The following RNF111 variants were observed in gnomAD, a reference collection of about 807,000 sequenced individuals.
The protein encoded by RNF111 is E3 ubiquitin-protein ligase Arkadia.
RNF111 carries 17 observed loss-of-function variants against 95.1 expected under a neutral mutation model. That is an observed-to-expected ratio of 0.18 (90% CI 0.12 to 0.27). The LOEUF is 0.27. Among genes scored for constraint, RNF111 ranks in the 10% least tolerant of loss-of-function variants. The pLI is 1.00. For synonymous variants in RNF111, 440 were observed against 414.8 expected (o/e 1.06, Z -0.74); for missense variants, 1,189 against 1,210.4 (o/e 0.98, Z 0.26).
rs777200048 is a variant in RNF111 at position 59,031,172 on chromosome 15, G to A, written c.350G>A (p.Gly117Glu). The A allele has an allele frequency of 6.2e-7, 1 of 1,614,176 alleles. No homozygotes were observed. The highest frequency in any genetic ancestry group is 1.1e-5 in the South Asian group (1 of 91,072). Residue 117 changes from glycine (G) to glutamate (E), a missense_variant, in exon 2 of 14, where the codon GGA (glycine) becomes GAA (glutamate). Physicochemically the swap from Gly to Glu is moderately conservative, Grantham distance 98. Transcript: ENST00000348370. Reference sequence around the variant, plus strand: ...GTTAAAGAAAACCAGGGAATATTAGGACTGAGGCAACACCTAGGGACACCA... The same window carrying A: ...GTTAAAGAAAACCAGGGAATATTAGAACTGAGGCAACACCTAGGGACACCA... Reference protein sequence around the residue: ...NCVKENQGILGLRQHLGTPSD... With the variant: ...NCVKENQGILELRQHLGTPSD...
chr15:59,058,518 C>G lies in RNF111; in HGVS notation c.1334C>G (p.Thr445Arg), dbSNP rs1168729234. The G allele has an allele frequency of 1.3e-5, 21 of 1,614,012 alleles. No homozygotes were observed. The highest frequency in any genetic ancestry group is 1.7e-5 in the Non-Finnish European group (20 of 1,179,916). The change falls in exon 5 of 14, where the codon ACA (threonine) becomes AGA (arginine). Residue 445 changes from threonine (T) to arginine (R), a missense_variant. Coordinates refer to ENST00000348370, the MANE Select transcript of RNF111 (RefSeq NM_017610.8). ...GTGTCAGAGACTTCAGCTACTCTTA[C>G]AAGCAATAGTACCACTGGCACTTCT... Reference protein sequence around the residue: ...STVSETSATLTSNSTTGTSIG... With the variant: ...STVSETSATLRSNSTTGTSIG...
chr15:58,990,020 A>G (rs547410615), intron 1 of RNF111, among the ~76,000 whole-genome samples: 1 of 152,328 alleles, frequency 6.6e-6, no homozygotes, highest in East Asian at 1.9e-4. Context: ...AAATGATAGC[A>G]GTTAAAATAT....
chr15:59,062,098 G>A (rs2042465695), intron 5 of RNF111, among the ~76,000 whole-genome samples: 2 of 136,192 alleles, frequency 1.5e-5, no homozygotes, highest in South Asian at 2.2e-4. Context: ...GCTTTGTCAC[G>A]TAGGCTAGAG....
chr15:59,085,137 A>G (rs2078860943), intron 9 of RNF111, among the ~76,000 whole-genome samples: 1 of 152,226 alleles, frequency 6.6e-6, no homozygotes, highest in Non-Finnish European at 1.5e-5. Flanking sequence ...TTTGAGGCAG[A>G]ACATAAAATG....
rs1344528060 is a variant in RNF111, at chr15:59,081,036, T to C, written c.2049T>C (p.Tyr683=). The C allele has an allele frequency of 1.2e-6, 2 of 1,614,064 alleles. No individual in the cohort carries two copies. The highest frequency in any genetic ancestry group is 2.7e-5 in the African/African-American group (2 of 74,940). The part of the protein sequence containing the change: ...PQTQPPPQVD[Y]VIPHPVHAFH... ...CTCAGCCTCCGCCTCAAGTGGATTA[T>C]GTTATTCCTCATCCTGTACATGCTT... Residue 683 remains tyrosine (Y), a synonymous_variant, in exon 8 of 14, where the codon TAT becomes TAC. Transcript: ENST00000348370.
intron 8 of RNF111, 100 bp downstream of exon 8, chr15:59,081,384 C>G: frequency 1.0e-6 from 1 of 998,076 alleles, no homozygotes; most frequent in Non-Finnish European, 1.5e-6. Context: ...GTGGCATGCA[C>G]TTGTAGTCAC....
intron 7 of RNF111, among the ~76,000 whole-genome samples, chr15:59,076,593 C>T (rs141352550): frequency 0.011 from 1,700 of 152,272 alleles, 16 homozygotes; most frequent in Non-Finnish European, 0.017. Context: ...GGCATGATGG[C>T]TCACTCCTGT....
Position 59,081,088 on chromosome 15 carries a change from A to G in RNF111, c.2101A>G (p.Thr701Ala), listed in dbSNP as rs951943490. Residue 701 changes from threonine to alanine, a missense_variant, in exon 8 of 14, where the codon ACA (threonine) becomes GCA (alanine). By Grantham distance (58) the Thr-to-Ala change is moderately conservative. Coordinates refer to ENST00000348370, the MANE Select transcript of RNF111 (RefSeq NM_017610.8). The stretch of plus-strand genomic sequence containing the variant: ...CCATTCTCAAATATCTTCTCATGCA[A>G]CATCTCATCCTGTGGCACCCCCACC... The part of the protein sequence containing the change: ...AFHSQISSHA[T>A]SHPVAPPPPT... 2.5e-6 allele frequency: 4 copies of G among 1,613,954 alleles called. No homozygotes were observed. In the African/African-American group the frequency reaches 5.3e-5, roughly 22 times the overall value.
chr15:59,021,213 C>T (rs1193276510), intron 1 of RNF111, among the ~76,000 whole-genome samples: 7 of 152,122 alleles, frequency 4.6e-5, no homozygotes, highest in African/African-American at 1.4e-4. Flanking sequence ...TGCAGTGATG[C>T]GATCTCGGCT....
chr15:59,092,469 C>G lies in RNF111; in HGVS notation c.2740-68C>G, dbSNP rs753479026. On this transcript the variant is annotated intron_variant, in intron 12 of 13. Transcript: ENST00000348370. Reference sequence around the variant, plus strand: ...TTTTGTTTTGTTTTTCAAATAAACACAGACTTTACTCAGTTGTTCAATAAT... The same window carrying G: ...TTTTGTTTTGTTTTTCAAATAAACAGAGACTTTACTCAGTTGTTCAATAAT... The G allele has an allele frequency of 3.5e-5, 52 of 1,490,444 alleles. 1 individual carries two copies. In the South Asian group the frequency reaches 6.2e-4, roughly 18 times the overall value. The allele number at this position is 1,490,444 out of a possible 1,614,324, so 92.3% of individuals were successfully genotyped here.
intron 3 of RNF111, among the ~76,000 whole-genome samples, chr15:59,054,018 C>G (rs57557135): frequency 0.3 from 45,969 of 151,926 alleles, 7,025 homozygotes; most frequent in East Asian, 0.41. Flanking sequence ...TCACCGCAGC[C>G]TCCATCTCCT....
chr15:59,075,990 A>G lies in RNF111; in HGVS notation c.1723A>G (p.Arg575Gly). Residue 575 changes from arginine (R) to glycine (G), a missense_variant, in exon 7 of 14, where the codon AGA (arginine) becomes GGA (glycine). By Grantham distance (125) the Arg-to-Gly change is moderately radical (BLOSUM62 -2). Around this residue, in one of 2 missense-constraint regions of RNF111, gnomAD observed 1,024 missense variants for 925.9 expected, o/e 1.11. Coordinates refer to ENST00000348370, the MANE Select transcript of RNF111 (RefSeq NM_017610.8). ...AGTGGACCTGAGCAACAGTGGTATCAGAAGTCATGGAAGTGGCAGTTTTCA... is the reference window on the plus strand; with the variant it reads ...AGTGGACCTGAGCAACAGTGGTATCGGAAGTCATGGAAGTGGCAGTTTTCA... ...LPVDLSNSGI[R>G]SHGSGSFHGA... is the part of the protein sequence containing the mutation. 1 of 1,614,252 alleles carries G rather than the reference A, an allele frequency of 6.2e-7. No individual in the cohort carries two copies. The highest frequency in any genetic ancestry group is 8.5e-7 in the Non-Finnish European group (1 of 1,180,042).
rs533078926 is a variant in RNF111, at chr15:59,013,595, A to G, written c.-19-17209A>G. On this transcript the variant is annotated intron_variant, in intron 1 of 13. Transcript: ENST00000348370. ...ACATGACTTAGCACTGATTTGATCAATTGTGATCAGCTGGCTGAGTAGTGT... is the reference window on the plus strand; with the variant it reads ...ACATGACTTAGCACTGATTTGATCAGTTGTGATCAGCTGGCTGAGTAGTGT... 5.3e-5 allele frequency among the ~76,000 whole-genome samples: 8 copies of G among 152,296 alleles called. No individual in the cohort carries two copies. The East Asian group carries it at 5.8e-4, about 11-fold the overall frequency.
chr15:59,035,303 A>G (rs2041122255), intron 2 of RNF111, among the ~76,000 whole-genome samples: 1 of 152,160 alleles, frequency 6.6e-6, no homozygotes, highest in East Asian at 1.9e-4. Context: ...CCATGTCCTC[A>G]TATTTCAAAA....
chr15:59,034,839 T>G (rs2041093178), intron 2 of RNF111, among the ~76,000 whole-genome samples: 1 of 152,252 alleles, frequency 6.6e-6, no homozygotes, highest in African/African-American at 2.4e-5. Context: ...TACTACATGT[T>G]AATATGATTT....
chr15:59,039,112 G>A (rs138453929), intron 2 of RNF111, among the ~76,000 whole-genome samples: 274 of 152,014 alleles, frequency 1.8e-3, no homozygotes, highest in African/African-American at 6.3e-3. Context: ...TTACAGGCAC[G>A]TGCCACCATA....
intron 1 of RNF111, among the ~76,000 whole-genome samples, chr15:59,017,289 C>T (rs150833991): frequency 5.2e-4 from 79 of 152,062 alleles, no homozygotes; most frequent in Middle Eastern, 6.8e-3. Flanking sequence ...ATCGTAAATG[C>T]GTCATTCAGC....
chr15:59,072,459 T>C (rs1214659941), intron 6 of RNF111, among the ~76,000 whole-genome samples: 3 of 145,942 alleles, frequency 2.1e-5, no homozygotes, highest in African/African-American at 7.7e-5. Context: ...TCTTTTTTTT[T>C]TTTTTTTTTT....
chr15:59,028,815 T>C (rs548864584), intron 1 of RNF111, among the ~76,000 whole-genome samples: 28 of 151,704 alleles, frequency 1.8e-4, no homozygotes, highest in South Asian at 1.5e-3. Context: ...AGTCTTGCTC[T>C]GTTGCTCAAG....
Sources: gnomAD v4.1 joint callset for allele counts (sites outside exome capture counted in the v4.1 genomes callset) on GRCh38, gnomAD v4.1.1 for gene constraint, gnomAD v4.1.1 regional missense constraint, MANE v1.5 for transcripts, NCBI Gene and HGNC (gene_info 2026-07-23, HGNC 2026-07-21) for gene names.